Variants in SIL1 observed in about 807,000 individuals in gnomAD.
The protein encoded by SIL1 is nucleotide exchange factor SIL1.
In SIL1, 40 loss-of-function variants were observed where a neutral mutation model predicts 49.1. The observed-to-expected ratio is 0.81, with a 90% CI of 0.63 to 1.06. The LOEUF (loss-of-function observed/expected upper bound fraction) is 1.06. SIL1 is among the 50% of genes least tolerant of loss of function. SIL1 has a pLI of 0.00. For synonymous variants in SIL1, 253 were observed against 250.8 expected, an observed-to-expected ratio of 1.01 and a Z score of -0.08; for missense variants, 500 against 572.6, an observed-to-expected ratio of 0.87 and a Z score of 1.29.
intron 7 of SIL1, among the ~76,000 whole-genome samples, chr5:138,959,242 G>T (rs1766966401): frequency 6.6e-6 from 1 of 152,152 alleles, no homozygotes; most frequent in South Asian, 2.1e-4. Flanking sequence ...AGAGAACGTG[G>T]CTCCGAAGAC....
intron 3 of SIL1, among the ~76,000 whole-genome samples, chr5:139,090,233 T>C (rs1770313478): frequency 6.6e-6 from 1 of 152,156 alleles, no homozygotes; most frequent in Non-Finnish European, 1.5e-5. Context: ...GTAAGTATTC[T>C]GCCCTGACTT....
At chr5:139,056,648 G>A (rs1347626926) in intron 3 of SIL1, among the ~76,000 whole-genome samples, 6 of 144,118 alleles carry the variant, frequency 4.2e-5, no homozygotes, top group African/African-American at 1.2e-4. Flanking sequence ...GGGAGGTGGG[G>A]GGGTCAGCCC....
chr5:138,959,865 A>G (rs1766981226), intron 7 of SIL1, among the ~76,000 whole-genome samples: 1 of 152,232 alleles, frequency 6.6e-6, no homozygotes, highest in Admixed American at 6.5e-5. Context: ...GTAGCCTCAC[A>G]GAGCTTACAG....
intron 3 of SIL1, among the ~76,000 whole-genome samples, chr5:139,090,453 G>T (rs1770318812): frequency 6.6e-6 from 1 of 152,048 alleles, no homozygotes; most frequent in Non-Finnish European, 1.5e-5. Flanking sequence ...TGACCTACTG[G>T]ATAATAAAAC....
chr5:138,951,746 G>A (rs771812516), intron 8 of SIL1, 42 bp downstream of exon 8: 38 of 1,563,148 alleles, frequency 2.4e-5, no homozygotes, highest in Admixed American at 2.0e-4. Context: ...GGCCCCACAC[G>A]TGTCCTGGAG....
chr5:139,052,766 A>C (rs1206051538), intron 3 of SIL1, among the ~76,000 whole-genome samples: 1 of 152,184 alleles, frequency 6.6e-6, no homozygotes, highest in East Asian at 1.9e-4. Flanking sequence ...TGAAGAAAAA[A>C]GCGAGTCCCA....
chr5:139,155,648 T>G (rs1751394069), intron 1 of SIL1, among the ~76,000 whole-genome samples: 1 of 152,056 alleles, frequency 6.6e-6, no homozygotes, highest in Non-Finnish European at 1.5e-5. Flanking sequence ...AAGCATTCAG[T>G]CATTAATACC....
chr5:139,144,316 C>T (rs547087064), intron 1 of SIL1, among the ~76,000 whole-genome samples: 9 of 152,020 alleles, frequency 5.9e-5, no homozygotes, highest in Middle Eastern at 3.4e-3. Context: ...AGAGCAAGAT[C>T]CCATCTCTTA....
intron 6 of SIL1, among the ~76,000 whole-genome samples, chr5:139,025,165 G>A (rs1389457616): frequency 2.0e-5 from 3 of 151,810 alleles, no homozygotes; most frequent in Non-Finnish European, 4.4e-5. Context: ...CTGGGAGTTA[G>A]TAGACACTTG....
At position 138,973,198 on chromosome 5, in the gene SIL1, A is replaced by AT. The variant is rs1343712613; in HGVS notation, c.768-21315dup. Among the ~76,000 whole-genome samples, 404 of 121,926 alleles carry AT rather than the reference A, an allele frequency of 3.3e-3. 1 individual carries two copies. The highest frequency in any genetic ancestry group is 0.011 in the African/African-American group (381 of 33,170). 80.0% of individuals were successfully genotyped at this position (121,926 alleles called of 152,430 possible). On this transcript the variant is annotated intron_variant, in intron 7 of 9. Coordinates refer to ENST00000394817, the MANE Select transcript of SIL1 (RefSeq NM_022464.5). ...GCACAGGTACCCTAGAACTTGAAGT[A>AT]TTTAAAAAAAAAAAAAAAAAAAAAA...
intron 1 of SIL1, among the ~76,000 whole-genome samples, chr5:139,136,364 A>C (rs985800096): frequency 1.3e-5 from 2 of 152,360 alleles, no homozygotes; most frequent in African/African-American, 4.8e-5. Flanking sequence ...GACAGGGCTA[A>C]GGCAGGGCAA....
At chr5:139,149,966 A>G (rs774336420) in intron 1 of SIL1, among the ~76,000 whole-genome samples, 2 of 152,198 alleles carry the variant, frequency 1.3e-5, no homozygotes, top group Admixed American at 6.5e-5. Flanking sequence ...ATGAGAGATA[A>G]GAGAAGGGAG....
rs1337086920 is a variant in SIL1 at position 139,086,974 on chromosome 5, A to G, written c.244+34061T>C. On this transcript the variant is annotated intron_variant, in intron 3 of 9. Transcript: ENST00000394817. ...GACTCCATTTGAAAAAGATAATAAT[A>G]ATAATTAATTATATTTCTTTTTTTA... Among the ~76,000 whole-genome samples, 6 of 151,622 alleles carry G rather than the reference A, an allele frequency of 4.0e-5. No individual in the cohort carries two copies. In the East Asian group the frequency reaches 1.2e-3, roughly 30 times the overall value.
At chr5:139,070,185 T>C (rs1769799676) in intron 3 of SIL1, among the ~76,000 whole-genome samples, 1 of 152,138 alleles carries the variant, frequency 6.6e-6, no homozygotes, top group Non-Finnish European at 1.5e-5. Context: ...AGTAATCATA[T>C]CAGGGATAGT....
At chr5:139,172,046 A>G (rs1370574039) in intron 1 of SIL1, among the ~76,000 whole-genome samples, 1 of 152,210 alleles carries the variant, frequency 6.6e-6, no homozygotes, top group Admixed American at 6.5e-5. Flanking sequence ...TGGACAATGG[A>G]AATTATCAAG....
At chr5:139,143,615 G>A (rs763008669) in intron 1 of SIL1, among the ~76,000 whole-genome samples, 7 of 151,656 alleles carry the variant, frequency 4.6e-5, no homozygotes, top group South Asian at 2.1e-4. Context: ...CAGGCAATCC[G>A]CCCACCTTAG....
At chr5:138,978,192 C>T (rs937060986) in intron 7 of SIL1, among the ~76,000 whole-genome samples, 1 of 144,552 alleles carries the variant, frequency 6.9e-6, no homozygotes, top group African/African-American at 2.5e-5. Context: ...CCCCCCATAC[C>T]TATTACTAGT....
At chr5:139,170,133 T>G (rs2151814648) in intron 1 of SIL1, among the ~76,000 whole-genome samples, 1 of 152,326 alleles carries the variant, frequency 6.6e-6, no homozygotes, top group South Asian at 2.1e-4. Context: ...CCTCCCGAGG[T>G]GCTGGGATTG....
intron 1 of SIL1, among the ~76,000 whole-genome samples, chr5:139,180,223 A>T (rs1439196678): frequency 6.6e-6 from 1 of 151,576 alleles, no homozygotes; most frequent in Non-Finnish European, 1.5e-5. Flanking sequence ...TACTAAAAAC[A>T]CAAAAAAATT....
Sources: allele counts gnomAD v4.1 joint callset (sites outside exome capture counted in the v4.1 genomes callset), GRCh38; gene constraint gnomAD v4.1.1; transcripts MANE v1.5; gene names NCBI Gene and HGNC (gene_info 2026-07-23, HGNC 2026-07-21).